MFSD11: variants seen among roughly 807,000 people sequenced by gnomAD.
MFSD11 encodes UNC93-like protein MFSD11.
Under a neutral mutation model 53.5 loss-of-function variants are expected in MFSD11, and 36 were observed. The observed-to-expected ratio is 0.67, with a 90% CI of 0.52 to 0.89. MFSD11 has a LOEUF of 0.89. Among genes scored for constraint, MFSD11 ranks in the 40% least tolerant of loss-of-function variants. MFSD11 has a pLI of 0.00. For missense variants in MFSD11, 530 were observed against 543.9 expected (o/e 0.97, Z 0.25); for synonymous variants, 186 against 184.9 (o/e 1.01, Z -0.05).
At chr17:76,738,816 C>A (rs1280285045) in intron 1 of MFSD11, 122 bp from the exon 2 acceptor site, 16 of 730,134 alleles carry the variant, frequency 2.2e-5, no homozygotes, top group African/African-American at 5.3e-5. Flanking sequence ...TAATGGACTT[C>A]AGTATTAAGT....
chr17:76,754,103 ATCTGAAATGCAAGAACTGT>A lies in MFSD11; in HGVS notation c.682+19_682+37del. 1 of 1,605,452 alleles carries A rather than the reference ATCTGAAATGCAAGAACTGT, an allele frequency of 6.2e-7. No homozygotes were observed. Among genetic ancestry groups the A allele is most frequent in the Non-Finnish European group, 8.5e-7 (1 of 1,174,432 alleles). On this transcript the variant is annotated intron_variant, in intron 8 of 12. Coordinates refer to ENST00000685175, the MANE Select transcript of MFSD11 (RefSeq NM_001242532.5). ...GATGCTTTTAGTAAGTATTTTCTGT[ATCTGAAATGCAAGAACTGT>A]TCAGGAACAACTCGGCATTTGCCTT...
At chr17:76,790,090 CT>C in the MFSD11 span, among the ~76,000 whole-genome samples, 1 of 89,724 alleles carries the variant, frequency 1.1e-5, no homozygotes, top group Non-Finnish European at 2.4e-5. Context: ...TTTTTTTTTT[CT>C]TTTTTTTTGA....
the MFSD11 span, among the ~76,000 whole-genome samples, chr17:76,794,605 G>A: frequency 6.1e-3 from 727 of 119,396 alleles, 29 homozygotes; most frequent in African/African-American, 0.023. Flanking sequence ...TCATGCCATT[G>A]CACTTCAACC....
chr17:76,742,566 G>A (rs2078194381), intron 5 of MFSD11, among the ~76,000 whole-genome samples: 1 of 151,332 alleles, frequency 6.6e-6, no homozygotes, highest in African/African-American at 2.4e-5. Context: ...GCAATGGCAC[G>A]ATCTCGGCTT....
chr17:76,796,659 G>A, the MFSD11 span, among the ~76,000 whole-genome samples: 1 of 152,030 alleles, frequency 6.6e-6, no homozygotes, highest in African/African-American at 2.4e-5. Flanking sequence ...CCAAGAGAGG[G>A]TTCTTGGATT....
chr17:76,787,900 G>A, the MFSD11 span, among the ~76,000 whole-genome samples: 4 of 150,062 alleles, frequency 2.7e-5, no homozygotes, highest in African/African-American at 9.8e-5. Flanking sequence ...GTAGCAATAA[G>A]ATACCAAATT....
intron 8 of MFSD11, among the ~76,000 whole-genome samples, chr17:76,764,637 A>G (rs1247529442): frequency 2.0e-5 from 3 of 152,216 alleles, no homozygotes; most frequent in Non-Finnish European, 4.4e-5. Context: ...TTCTTTATTC[A>G]TCCGTTTAAG....
At chr17:76,786,393 C>T (rs1444348294), downstream of MFSD11, among the ~76,000 whole-genome samples, 1 of 152,098 alleles carries the variant, frequency 6.6e-6, no homozygotes, top group African/African-American at 2.4e-5. Context: ...CTGCCCGCCT[C>T]GGCCTCCCAA....
At position 76,759,756 on chromosome 17, in the gene MFSD11, CTTTTTTTTTTTTT is replaced by C. The variant is rs1159131964; in HGVS notation, c.682+5687_682+5699del. On this transcript the variant is annotated intron_variant, in intron 8 of 12. Coordinates refer to ENST00000685175, the MANE Select transcript of MFSD11 (RefSeq NM_001242532.5). ...ACAGGTGTGAGCCACCGTGACCGGC[CTTTTTTTTTTTTT>C]TTTTTTTTTTTTTTTTTGTATTTTT... Among the ~76,000 whole-genome samples, 8 of 27,016 alleles carry C rather than the reference CTTTTTTTTTTTTT, an allele frequency of 3.0e-4. No individual in the cohort carries two copies. In the East Asian group the frequency reaches 3.9e-3, roughly 13 times the overall value. The allele number at this position is 27,016 out of a possible 152,430, so 17.7% of individuals were successfully genotyped here.
At position 76,753,540 on chromosome 17, in the gene MFSD11, G is replaced by A. The variant is rs955292566; in HGVS notation, c.642-507G>A. On this transcript the variant is annotated intron_variant, in intron 7 of 12. Transcript: ENST00000685175. ...TACAAAAAATTATCTGGGTGTGGTG[G>A]GACCCACCTGTAATCCCAGCTACTC... Among the ~76,000 whole-genome samples the A allele has an allele frequency of 2.6e-5, 4 of 151,902 alleles. No homozygotes were observed. The South Asian group carries it at 8.3e-4, about 32-fold the overall frequency.
intron 10 of MFSD11, among the ~76,000 whole-genome samples, chr17:76,774,251 T>G (rs992557098): frequency 6.6e-6 from 1 of 152,212 alleles, no homozygotes; most frequent in African/African-American, 2.4e-5. Flanking sequence ...ATATATACAA[T>G]TTTTTCTTTC....
At chr17:76,777,667 A>G (rs2081971196) in intron 12 of MFSD11, among the ~76,000 whole-genome samples, 1 of 152,084 alleles carries the variant, frequency 6.6e-6, no homozygotes, top group Non-Finnish European at 1.5e-5. Flanking sequence ...AGAATTAGGA[A>G]GCAATGAGCA....
downstream of MFSD11, among the ~76,000 whole-genome samples, chr17:76,784,084 A>C (rs1288556361): frequency 1.3e-5 from 2 of 152,200 alleles, no homozygotes; most frequent in Non-Finnish European, 2.9e-5. Flanking sequence ...GTTCCTCAAA[A>C]ACTAGAAATA....
At chr17:76,777,356 C>T (rs552841801) in intron 12 of MFSD11, among the ~76,000 whole-genome samples, 3 of 151,934 alleles carry the variant, frequency 2.0e-5, no homozygotes, top group South Asian at 2.1e-4. Flanking sequence ...ATCTCTGCCT[C>T]CCAAGTAGGT....
the MFSD11 span, among the ~76,000 whole-genome samples, chr17:76,802,706 C>T: frequency 6.6e-6 from 1 of 152,128 alleles, no homozygotes; most frequent in African/African-American, 2.4e-5. Flanking sequence ...TGGTGAAACC[C>T]TCTGTCTACT....
In MFSD11 at chr17:76,778,582, G is replaced by T. The variant is rs1373547776; in HGVS notation, c.*230G>T. The T allele has an allele frequency of 1.1e-5, 5 of 456,584 alleles. No individual in the cohort carries two copies. In the East Asian group the frequency reaches 1.6e-4, roughly 15 times the overall value. The allele number at this position is 456,584 out of a possible 1,614,324, so 28.3% of individuals were successfully genotyped here. A position where few individuals can be genotyped will look rare whatever the true frequency, so the allele number is the denominator to read the frequency against. ...GTTCTGTCAACTGTAATTGTTCAAA[G>T]ATGTTGTTTTTCATTTCATCTATCT... is the stretch of plus-strand genomic sequence containing the variant. On this transcript the variant is annotated 3_prime_UTR_variant, in exon 13 of 13. Transcript: ENST00000685175.
At chr17:76,736,822 A>T, upstream of MFSD11, 2 of 1,593,024 alleles carry the variant, frequency 1.3e-6, no homozygotes, top group Non-Finnish European at 1.7e-6. Flanking sequence ...GTCCGTAGCC[A>T]CCGCCCCCGT....
intron 2 of MFSD11, among the ~76,000 whole-genome samples, chr17:76,740,115 A>G (rs1267065361): frequency 6.7e-6 from 1 of 149,226 alleles, no homozygotes; most frequent in South Asian, 2.1e-4. Context: ...GGGAGCTTGC[A>G]GTGAGCAGAG....
chr17:76,803,705 C>T, the MFSD11 span, among the ~76,000 whole-genome samples: 2 of 152,132 alleles, frequency 1.3e-5, no homozygotes, highest in African/African-American at 4.8e-5. Flanking sequence ...ACTCAATGGC[C>T]TTCCCTCCCA....
Sources: allele counts gnomAD v4.1 joint callset (sites outside exome capture counted in the v4.1 genomes callset), GRCh38; gene constraint gnomAD v4.1.1; transcripts MANE v1.5; gene names NCBI Gene and HGNC (gene_info 2026-07-23, HGNC 2026-07-21).